Variants in PPM1L observed in about 807,000 individuals in gnomAD.
PPM1L encodes the protein protein phosphatase 1L.
Under a neutral mutation model 31.4 loss-of-function variants are expected in PPM1L, and 13 were observed. The ratio of observed to expected loss-of-function variants is 0.41; its 90% CI spans 0.27 to 0.66. The LOEUF (loss-of-function observed/expected upper bound fraction) is 0.66. Ranked by LOEUF, PPM1L falls within the 30% of genes least tolerant of loss-of-function variation. The probability of loss-of-function intolerance (pLI) is 0.29; values close to 1 mark genes in which losing one functional copy is unlikely to be tolerated. For synonymous variants in PPM1L, 184 were observed against 175.4 expected (o/e 1.05, Z -0.39); for missense variants, 326 against 453.7 (o/e 0.72, Z 2.56).
intron 1 of PPM1L, among the ~76,000 whole-genome samples, chr3:160,859,034 G>A (rs1457466367): frequency 6.6e-6 from 1 of 152,104 alleles, no homozygotes; most frequent in African/African-American, 2.4e-5. Flanking sequence ...CAGAATGGAT[G>A]GATCAGAAGT....
rs376897530 is a variant in PPM1L at position 160,916,123 on chromosome 3, A to G, written c.400-45613A>G. Among the ~76,000 whole-genome samples the G allele has an allele frequency of 2.0e-4, 31 of 152,346 alleles. No individual in the cohort carries two copies. The East Asian group carries it at 3.3e-3, about 16-fold the overall frequency. On this transcript the variant is annotated intron_variant, in intron 1 of 3. Transcript: ENST00000498165. ...AAACTACCATCGGAGTGAACAGGCA[A>G]CCTACAGAATGGGAGAAAATTTTTG...
At chr3:160,876,486 T>C (rs1412631290) in intron 1 of PPM1L, among the ~76,000 whole-genome samples, 1 of 152,228 alleles carries the variant, frequency 6.6e-6, no homozygotes, top group Non-Finnish European at 1.5e-5. Flanking sequence ...ATAGATAATT[T>C]ATAGTAGAAA....
intron 1 of PPM1L, among the ~76,000 whole-genome samples, chr3:160,808,041 T>C (rs1712656883): frequency 6.6e-6 from 1 of 152,234 alleles, no homozygotes; most frequent in African/African-American, 2.4e-5. Flanking sequence ...TATTTTTAAC[T>C]CTTCTATTGG....
chr3:160,828,693 T>G (rs1429650492), intron 1 of PPM1L, among the ~76,000 whole-genome samples: 1 of 152,052 alleles, frequency 6.6e-6, no homozygotes, highest in Non-Finnish European at 1.5e-5. Context: ...CCATATGTTC[T>G]GCCCAGGCAC....
At chr3:161,057,141 G>T (rs1028841615) in intron 2 of PPM1L, among the ~76,000 whole-genome samples, 3 of 152,104 alleles carry the variant, frequency 2.0e-5, no homozygotes, top group African/African-American at 7.2e-5. Context: ...ATGGGTCAAA[G>T]AATCATAAAT....
intron 2 of PPM1L, among the ~76,000 whole-genome samples, chr3:161,018,748 A>G (rs1559926541): frequency 6.6e-6 from 1 of 152,240 alleles, no homozygotes; most frequent in East Asian, 1.9e-4. Context: ...GAGAAAACAA[A>G]TTAACCATCT....
chr3:160,760,761 A>C (rs1714949978), intron 1 of PPM1L, among the ~76,000 whole-genome samples: 1 of 152,002 alleles, frequency 6.6e-6, no homozygotes, highest in South Asian at 2.1e-4. Context: ...AATATCACCA[A>C]ATCCTTTGGC....
intron 1 of PPM1L, among the ~76,000 whole-genome samples, chr3:160,831,079 A>G (rs1713512193): frequency 6.6e-6 from 1 of 152,212 alleles, no homozygotes; most frequent in South Asian, 2.1e-4. Context: ...TTGTTTATAC[A>G]TGTTTCATAG....
At chr3:161,047,336 A>G (rs1002311245) in intron 2 of PPM1L, among the ~76,000 whole-genome samples, 14 of 152,182 alleles carry the variant, frequency 9.2e-5, no homozygotes, top group Non-Finnish European at 1.5e-5. Flanking sequence ...CCCATTCACA[A>G]TTGCTTCAAA....
At chr3:160,801,580 A>T (rs979351264) in intron 1 of PPM1L, among the ~76,000 whole-genome samples, 1 of 152,196 alleles carries the variant, frequency 6.6e-6, no homozygotes, top group African/African-American at 2.4e-5. Context: ...TCTTGTGCTG[A>T]TGTGATGAAA....
intron 1 of PPM1L, among the ~76,000 whole-genome samples, chr3:160,920,609 T>TCACACACACACA (rs1278287003): frequency 8.1e-5 from 4 of 49,260 alleles, no homozygotes; most frequent in Admixed American, 5.9e-4. Flanking sequence ...TCTCTCTCTC[T>TCACACACACACA]CTCTCTCACA....
At chr3:161,062,850 C>G (rs1277575608) in intron 2 of PPM1L, among the ~76,000 whole-genome samples, 1 of 152,134 alleles carries the variant, frequency 6.6e-6, no homozygotes, top group African/African-American at 2.4e-5. Flanking sequence ...TCCTTGGATC[C>G]CCTGGAGTAC....
intron 1 of PPM1L, among the ~76,000 whole-genome samples, chr3:160,764,713 C>A (rs1008668950): frequency 2.0e-5 from 3 of 152,146 alleles, no homozygotes; most frequent in Non-Finnish European, 4.4e-5. Context: ...GGCAATCTGC[C>A]CCCCTCGGCC....
intron 1 of PPM1L, among the ~76,000 whole-genome samples, chr3:160,775,180 A>G (rs1711536061): frequency 6.6e-6 from 1 of 152,218 alleles, no homozygotes; most frequent in South Asian, 2.1e-4. Flanking sequence ...CTATGTGCCC[A>G]GGGTTATACA....
At chr3:161,015,118 C>T (rs1364977408) in intron 2 of PPM1L, among the ~76,000 whole-genome samples, 1 of 152,122 alleles carries the variant, frequency 6.6e-6, no homozygotes. Context: ...GTAATGGCTT[C>T]TCTTAACACC....
intron 1 of PPM1L, among the ~76,000 whole-genome samples, chr3:160,840,814 G>GGA (rs890377169): frequency 6.7e-5 from 10 of 150,308 alleles, no homozygotes; most frequent in East Asian, 2.0e-4. Flanking sequence ...AGAGAGAGAA[G>GGA]GAGAGAGAGA....
rs1491444648 is a variant in PPM1L at position 160,970,445 on chromosome 3, A to ATTTTT, written c.574+8536_574+8537insTTTTT. ...TTATCAATCTTTTTAACCAAGCTGAATATTTTTTTTTTTTTTTTTTTTGAG... is the reference window on the plus strand; with the variant it reads ...TTATCAATCTTTTTAACCAAGCTGAATTTTTTATTTTTTTTTTTTTTTTTTTTGAG... On this transcript the variant is annotated intron_variant, in intron 2 of 3. Transcript: ENST00000498165. 9.0e-5 allele frequency among the ~76,000 whole-genome samples: 3 copies of ATTTTT among 33,462 alleles called. 1 individual carries two copies. Among genetic ancestry groups the ATTTTT allele is most frequent in the African/African-American group, 1.2e-4 (2 of 16,954 alleles). The allele number at this position is 33,462 out of a possible 152,430, so 22.0% of individuals were successfully genotyped here. A position where few individuals can be genotyped will look rare whatever the true frequency, so the allele number is the denominator to read the frequency against.
At chr3:160,970,162 T>C (rs183242756) in intron 2 of PPM1L, among the ~76,000 whole-genome samples, 1 of 152,332 alleles carries the variant, frequency 6.6e-6, no homozygotes. Flanking sequence ...ATGGTTCCTG[T>C]CTTGTATCCA....
chr3:160,972,305 C>T (rs910823967), intron 2 of PPM1L, among the ~76,000 whole-genome samples: 7 of 151,274 alleles, frequency 4.6e-5, no homozygotes, highest in African/African-American at 9.7e-5. Flanking sequence ...CCCATTAGCT[C>T]GTCATTTAAC....
Sources: allele counts gnomAD v4.1 joint callset (sites outside exome capture counted in the v4.1 genomes callset), GRCh38; gene constraint gnomAD v4.1.1; transcripts MANE v1.5; gene names NCBI Gene and HGNC (gene_info 2026-07-23, HGNC 2026-07-21).